Variants in ANKS1B observed in about 807,000 individuals in gnomAD.
ANKS1B encodes ankyrin repeat and sterile alpha motif domain-containing protein 1B.
ANKS1B carries 36 observed loss-of-function variants against 148.3 expected under a neutral mutation model. The observed-to-expected ratio is 0.24, with a 90% CI of 0.19 to 0.32. The LOEUF (loss-of-function observed/expected upper bound fraction) is 0.32. ANKS1B is among the 10% of genes least tolerant of loss of function. The pLI is 1.00. For synonymous variants in ANKS1B, 542 were observed against 560.8 expected, an observed-to-expected ratio of 0.97 and a Z score of 0.47; for missense variants, 1,157 against 1,542.6, an observed-to-expected ratio of 0.75 and a Z score of 4.19.
chr12:99,831,508 C>T (rs917243691), intron 1 of ANKS1B, among the ~76,000 whole-genome samples: 1 of 152,126 alleles, frequency 6.6e-6, no homozygotes, highest in Non-Finnish European at 1.5e-5. Context: ...ATATTTATCA[C>T]AGAGTGAGGG....
chr12:99,206,449 G>C lies in ANKS1B; in HGVS notation c.2419+37893C>G, dbSNP rs201698498. Among the ~76,000 whole-genome samples, 3 of 152,062 alleles carry C rather than the reference G, an allele frequency of 2.0e-5. No individual in the cohort carries two copies. The East Asian group carries it at 5.8e-4, about 29-fold the overall frequency. On this transcript the variant is annotated intron_variant, in intron 14 of 26. Coordinates refer to ENST00000683438, the MANE Select transcript of ANKS1B (RefSeq NM_001352186.2). The stretch of plus-strand genomic sequence containing the variant: ...GGGTTCTCAAATTAGGCCAAACCCA[G>C]ATGTGCAGAAGTTTCTAAAAAGATT...
chr12:98,934,735 A>T (rs1024300241), intron 17 of ANKS1B, among the ~76,000 whole-genome samples: 2 of 151,730 alleles, frequency 1.3e-5, no homozygotes, highest in African/African-American at 4.8e-5. Context: ...TGTAAATAGA[A>T]TTTTTTTCCT....
rs1272303741 is a variant in ANKS1B at position 98,751,244 on chromosome 12, G to T, written c.3747+111C>A. 8.8e-7 allele frequency: 1 copy of T among 1,133,682 alleles called. No individual in the cohort carries two copies. Among genetic ancestry groups the T allele is most frequent in the Non-Finnish European group, 1.2e-6 (1 of 805,610 alleles). 70.2% of individuals were successfully genotyped at this position (1,133,682 alleles called of 1,614,324 possible). A position where few individuals can be genotyped will look rare whatever the true frequency, so the allele number is the denominator to read the frequency against. ...CCAGGAGGAGGCCAAGGGAAAGGATGAAGAAGAGGCCCTGGGTTCTAATGG... is the reference window on the plus strand; with the variant it reads ...CCAGGAGGAGGCCAAGGGAAAGGATTAAGAAGAGGCCCTGGGTTCTAATGG... On this transcript the variant is annotated intron_variant, in intron 26 of 26. Transcript: ENST00000683438. The surrounding 1 kb of genome is among the most constrained non-coding windows in gnomAD (Gnocchi z 4.3).
intron 9 of ANKS1B, among the ~76,000 whole-genome samples, chr12:99,642,100 A>G (rs1356773001): frequency 6.6e-6 from 1 of 152,198 alleles, no homozygotes; most frequent in Non-Finnish European, 1.5e-5. Flanking sequence ...CATCATCATA[A>G]GGCTTTCCTA....
chr12:98,735,687 T>C (rs2097769160), intron 9 of ANKS1B: 1 of 715,420 alleles, frequency 1.4e-6, no homozygotes, highest in Non-Finnish European at 2.7e-6. Flanking sequence ...CATGCATTTG[T>C]TTAATAAATA....
intron 4 of ANKS1B, among the ~76,000 whole-genome samples, chr12:99,798,265 A>G (rs755736658): frequency 4.6e-5 from 7 of 151,918 alleles, no homozygotes; most frequent in Non-Finnish European, 1.0e-4. Flanking sequence ...AGATAGCATA[A>G]AACTGTGAGA....
At chr12:99,524,747 G>A (rs1034345784) in intron 9 of ANKS1B, among the ~76,000 whole-genome samples, 7 of 152,292 alleles carry the variant, frequency 4.6e-5, no homozygotes, top group African/African-American at 1.4e-4. Flanking sequence ...AAGAGAGAAC[G>A]AGAGCCAAGC....
chr12:99,648,231 C>T, intron 9 of ANKS1B: 1 of 1,614,136 alleles, frequency 6.2e-7, no homozygotes. Flanking sequence ...CCGCAATGGG[C>T]ATGTTTAACA....
chr12:99,857,800 T>C (rs922774718), intron 1 of ANKS1B, among the ~76,000 whole-genome samples: 2 of 152,158 alleles, frequency 1.3e-5, no homozygotes, highest in Admixed American at 1.3e-4. Flanking sequence ...GACACCTTAT[T>C]CAACAAATGG....
rs531671681 is a variant in ANKS1B, at chr12:99,496,470, A to T, written c.1438+8006T>A. Among the ~76,000 whole-genome samples the T allele has an allele frequency of 2.0e-5, 3 of 152,350 alleles. No homozygotes were observed. The South Asian group carries it at 6.2e-4, about 32-fold the overall frequency. ...GCTATAAAGGAAACAAACAGGATTC[A>T]ATAGTGGTCGCATAAACATGAGTCT... is the stretch of plus-strand genomic sequence containing the variant. On this transcript the variant is annotated intron_variant, in intron 10 of 26. Coordinates refer to ENST00000683438, the MANE Select transcript of ANKS1B (RefSeq NM_001352186.2).
chr12:98,742,627 T>C (rs557695485), downstream of ANKS1B, among the ~76,000 whole-genome samples: 8 of 152,352 alleles, frequency 5.3e-5, no homozygotes, highest in South Asian at 1.7e-3. Context: ...CTCAGGGTTA[T>C]TTCGACCACA....
At chr12:99,894,961 T>A (rs1410628309) in intron 1 of ANKS1B, among the ~76,000 whole-genome samples, 2 of 150,750 alleles carry the variant, frequency 1.3e-5, no homozygotes, top group Non-Finnish European at 3.0e-5. Flanking sequence ...AATTATGATG[T>A]TTTCAGTTTA....
intron 14 of ANKS1B, among the ~76,000 whole-genome samples, chr12:99,161,251 A>C (rs1294426369): frequency 6.6e-6 from 1 of 152,170 alleles, no homozygotes; most frequent in Admixed American, 6.5e-5. Flanking sequence ...TATCAAAATC[A>C]ATGGAGGTTA....
chr12:99,176,212 C>T (rs1273217067), intron 14 of ANKS1B, among the ~76,000 whole-genome samples: 4 of 152,124 alleles, frequency 2.6e-5, no homozygotes, highest in Non-Finnish European at 4.4e-5. Context: ...GAAGTGGGTC[C>T]TCCAGGGATC....
At chr12:99,703,137 T>C (rs2153523246) in intron 8 of ANKS1B, among the ~76,000 whole-genome samples, 1 of 152,260 alleles carries the variant, frequency 6.6e-6, no homozygotes, top group Non-Finnish European at 1.5e-5. Context: ...AAGGAAACAT[T>C]GACTCTCTTT....
At chr12:99,953,356 A>C (rs923739349) in intron 1 of ANKS1B, among the ~76,000 whole-genome samples, 1 of 152,218 alleles carries the variant, frequency 6.6e-6, no homozygotes, top group Non-Finnish European at 1.5e-5. Context: ...GATGTTGAGG[A>C]CATACCATTT....
chr12:99,437,750 A>C (rs2095484978), intron 11 of ANKS1B, among the ~76,000 whole-genome samples: 1 of 151,950 alleles, frequency 6.6e-6, no homozygotes, highest in South Asian at 2.1e-4. Context: ...ATGTCTCTTC[A>C]GTCAACTTTT....
Position 98,751,229 on chromosome 12 carries a change from G to T in ANKS1B, c.3747+126C>A. 2 of 978,096 alleles carry T rather than the reference G, an allele frequency of 2.0e-6. No individual in the cohort carries two copies. The highest frequency in any genetic ancestry group is 1.8e-5 in the South Asian group (1 of 57,086). The allele number at this position is 978,096 out of a possible 1,614,324, so 60.6% of individuals were successfully genotyped here. Reference sequence around the variant, plus strand: ...GATGATGGACACATGCCAGGAGGAGGCCAAGGGAAAGGATGAAGAAGAGGC... The same window carrying T: ...GATGATGGACACATGCCAGGAGGAGTCCAAGGGAAAGGATGAAGAAGAGGC... On this transcript the variant is annotated intron_variant, in intron 26 of 26. Coordinates refer to ENST00000683438, the MANE Select transcript of ANKS1B (RefSeq NM_001352186.2). The surrounding 1 kb of genome is among the most constrained non-coding windows in gnomAD (Gnocchi z 4.3).
intron 14 of ANKS1B, among the ~76,000 whole-genome samples, chr12:99,166,888 T>C (rs649244): frequency 0.84 from 126,962 of 151,458 alleles, 53,662 homozygotes; most frequent in East Asian, 0.99. Context: ...GTTATCCACA[T>C]ATTAGGATAT....
Sources: gnomAD v4.1 joint callset for allele counts (sites outside exome capture counted in the v4.1 genomes callset) on GRCh38, gnomAD v4.1.1 for gene constraint, Gnocchi (gnomAD v3.1) non-coding constraint, MANE v1.5 for transcripts, NCBI Gene and HGNC (gene_info 2026-07-23, HGNC 2026-07-21) for gene names.